Variants in KCNU1 observed in about 807,000 individuals in gnomAD.
KCNU1 encodes the protein potassium channel subfamily U member 1.
A neutral mutation model predicts 126.8 loss-of-function variants in KCNU1; 93 were observed. The observed-to-expected ratio is 0.73, with a 90% CI of 0.62 to 0.87. KCNU1 has a LOEUF of 0.87. Among genes scored for constraint, KCNU1 ranks in the 40% least tolerant of loss-of-function variants. The probability of loss-of-function intolerance (pLI) is 0.00; values close to 1 mark genes in which losing one functional copy is unlikely to be tolerated. For missense variants in KCNU1, 1,330 were observed against 1,367.1 expected (o/e 0.97, Z 0.43); for synonymous variants, 523 against 494.2 (o/e 1.06, Z -0.77).
chr8:36,897,162 T>G (rs1188611491), intron 19 of KCNU1, among the ~76,000 whole-genome samples: 1 of 151,944 alleles, frequency 6.6e-6, no homozygotes, highest in Non-Finnish European at 1.5e-5. Context: ...GACAGAATTT[T>G]ATTGCCAAAA....
At chr8:36,931,637 A>G (rs1433362754) in intron 25 of KCNU1, among the ~76,000 whole-genome samples, 1 of 152,218 alleles carries the variant, frequency 6.6e-6, no homozygotes, top group African/African-American at 2.4e-5. Context: ...CAGAGACCAC[A>G]TTGTCAATCA....
At chr8:36,889,844 AAG>A (rs1806885999) in intron 19 of KCNU1, among the ~76,000 whole-genome samples, 1 of 152,098 alleles carries the variant, frequency 6.6e-6, no homozygotes, top group African/African-American at 2.4e-5. Context: ...TAAGAAAAAA[AAG>A]AGAAAATTGC....
intron 15 of KCNU1, 108 bp from the exon 16 acceptor site, chr8:36,840,824 T>C: frequency 2.4e-6 from 2 of 819,336 alleles, no homozygotes; most frequent in South Asian, 2.9e-5. Context: ...TTGGGAGTTC[T>C]TTCCTCTAAG....
At chr8:36,916,577 T>C (rs1215901021) in intron 22 of KCNU1, among the ~76,000 whole-genome samples, 4 of 152,220 alleles carry the variant, frequency 2.6e-5, no homozygotes, top group Non-Finnish European at 4.4e-5. Flanking sequence ...TCCTGCATTA[T>C]GGAAATTTCA....
At chr8:36,887,442 G>GTTTTT (rs71278791) in intron 19 of KCNU1, among the ~76,000 whole-genome samples, 3 of 124,986 alleles carry the variant, frequency 2.4e-5, no homozygotes, top group Admixed American at 8.2e-5. Context: ...TTGGCCATTT[G>GTTTTT]TTTTTTTTTG....
intron 24 of KCNU1, among the ~76,000 whole-genome samples, chr8:36,929,495 G>A (rs1808635875): frequency 6.6e-6 from 1 of 151,360 alleles, no homozygotes; most frequent in African/African-American, 2.4e-5. Flanking sequence ...AAACTCAAGT[G>A]TGTTTCATAC....
At position 36,936,014 on chromosome 8, in the gene KCNU1, T is replaced by C. The variant is rs1339202790; in HGVS notation, c.*94T>C. On this transcript the variant is annotated 3_prime_UTR_variant, in exon 27 of 27. Coordinates refer to ENST00000399881, the MANE Select transcript of KCNU1 (RefSeq NM_001031836.3). ...AACAAAGAAAATAAGAATGGAAGCA[T>C]GCCATTTTTCTGCCCATTGCTTAGT... 16 of 1,252,548 alleles carry C rather than the reference T, an allele frequency of 1.3e-5. No individual in the cohort carries two copies. The highest frequency in any genetic ancestry group is 1.5e-5 in the African/African-American group (1 of 66,570). 77.6% of individuals were successfully genotyped at this position (1,252,548 alleles called of 1,614,324 possible).
At chr8:36,865,599 T>C (rs1208729029) in intron 19 of KCNU1, among the ~76,000 whole-genome samples, 1 of 132,556 alleles carries the variant, frequency 7.5e-6, no homozygotes, top group African/African-American at 2.7e-5. Context: ...AGACCCTGTC[T>C]CTGCAAAAAT....
intron 18 of KCNU1, among the ~76,000 whole-genome samples, chr8:36,856,062 T>A (rs1805518465): frequency 6.6e-6 from 1 of 152,216 alleles, no homozygotes; most frequent in African/African-American, 2.4e-5. Flanking sequence ...CTCTAGTGAA[T>A]AATTAACATC....
intron 19 of KCNU1, among the ~76,000 whole-genome samples, chr8:36,875,442 A>G (rs1165007020): frequency 6.7e-6 from 1 of 149,628 alleles, no homozygotes; most frequent in Non-Finnish European, 1.5e-5. Context: ...TATACATTAC[A>G]GAGATATATA....
intron 26 of KCNU1, among the ~76,000 whole-genome samples, chr8:36,933,820 A>G (rs1808775308): frequency 6.6e-6 from 1 of 152,178 alleles, no homozygotes; most frequent in Non-Finnish European, 1.5e-5. Context: ...AGGCAGATCT[A>G]GCTCTAGGTG....
chr8:36,791,036 G>A lies in KCNU1; in HGVS notation c.315+3611G>A, dbSNP rs192482401. On this transcript the variant is annotated intron_variant, in intron 2 of 26. Transcript: ENST00000399881. ...AGGAAAAAGGAGAAAGAGGAAAAGAGGAAGTAGGAACGTGAGAAGGGAACT... is the reference window on the plus strand; with the variant it reads ...AGGAAAAAGGAGAAAGAGGAAAAGAAGAAGTAGGAACGTGAGAAGGGAACT... Among the ~76,000 whole-genome samples, 740 of 151,196 alleles carry A rather than the reference G, an allele frequency of 4.9e-3. 4 individuals carry two copies. The highest frequency in any genetic ancestry group is 8.6e-3 in the Non-Finnish European group (584 of 67,764).
chr8:36,890,348 C>G (rs902891627), intron 19 of KCNU1, among the ~76,000 whole-genome samples: 1 of 151,800 alleles, frequency 6.6e-6, no homozygotes, highest in Admixed American at 6.6e-5. Context: ...AAATGAATGA[C>G]AGCAGCATCA....
In KCNU1 at chr8:36,910,942, T is replaced by C; in HGVS notation, c.2344T>C (p.Tyr782His). ...TTCCTCTCATTAGGGATGTGCACTT[T>C]ATTCTGGAGACCTCCATGCGGCCAA... ...QIYILPGCAL[Y>H]SGDLHAANIE... Residue 782 changes from tyrosine (Y) to histidine (H), a missense_variant, in exon 22 of 27, where the codon TAT (tyrosine) becomes CAT (histidine). Tyr to His is a moderately conservative substitution (Grantham distance 83). This residue lies in a region of KCNU1 where 1,054 missense variants were observed against 1,053.9 expected (regional missense o/e 1.00). Transcript: ENST00000399881. 2 of 1,610,192 alleles carry C rather than the reference T, an allele frequency of 1.2e-6. No individual in the cohort carries two copies. The highest frequency in any genetic ancestry group is 1.7e-6 in the Non-Finnish European group (2 of 1,177,476).
chr8:36,914,104 G>A (rs2117548314), intron 22 of KCNU1, among the ~76,000 whole-genome samples: 1 of 152,128 alleles, frequency 6.6e-6, no homozygotes, highest in East Asian at 1.9e-4. Context: ...CTTCCACCAA[G>A]CATTAAGAGG....
chr8:36,934,065 G>A (rs1409860411), intron 26 of KCNU1, among the ~76,000 whole-genome samples: 1 of 152,112 alleles, frequency 6.6e-6, no homozygotes, highest in African/African-American at 2.4e-5. Flanking sequence ...GATGTACTCA[G>A]AGTTAAGGGA....
At chr8:36,834,718 G>C in intron 11 of KCNU1, 68 bp from the exon 12 acceptor site, 1 of 984,862 alleles carries the variant, frequency 1.0e-6, no homozygotes, top group Non-Finnish European at 1.5e-6. Flanking sequence ...TAGAAAACCC[G>C]AAAGGGGAAG....
At chr8:36,844,760 A>AT (rs1409595167) in intron 16 of KCNU1, among the ~76,000 whole-genome samples, 1 of 152,218 alleles carries the variant, frequency 6.6e-6, no homozygotes, top group East Asian at 1.9e-4. Context: ...AGAAGGGATG[A>AT]TTTTTAAAGG....
chr8:36,889,641 T>C (rs1279832055), intron 19 of KCNU1, among the ~76,000 whole-genome samples: 1 of 151,722 alleles, frequency 6.6e-6, no homozygotes, highest in Non-Finnish European at 1.5e-5. Context: ...GTGGGACAAA[T>C]TTAAAATGTG....
Sources: gnomAD v4.1 joint callset for allele counts (sites outside exome capture counted in the v4.1 genomes callset) on GRCh38, gnomAD v4.1.1 for gene constraint, gnomAD v4.1.1 regional missense constraint, MANE v1.5 for transcripts, NCBI Gene and HGNC (gene_info 2026-07-23, HGNC 2026-07-21) for gene names.